HELZ: variants seen among roughly 807,000 people sequenced by gnomAD.
The protein encoded by HELZ is ATP-dependent RNA helicase with zinc finger domain.
In HELZ, 23 loss-of-function variants were observed where a neutral mutation model predicts 218.2. That is an observed-to-expected ratio of 0.11 (90% CI 0.08 to 0.15). The LOEUF (loss-of-function observed/expected upper bound fraction) is 0.15, where lower values mean the gene tolerates loss of function less well. HELZ is among the 10% of genes least tolerant of loss of function. The probability of loss-of-function intolerance (pLI) is 1.00; values close to 1 mark genes in which losing one functional copy is unlikely to be tolerated. For missense variants in HELZ, 1,813 were observed against 2,353.7 expected, an observed-to-expected ratio of 0.77 and a Z score of 4.75; for synonymous variants, 814 against 829.4, an observed-to-expected ratio of 0.98 and a Z score of 0.32.
At chr17:67,127,702 C>A (rs1057104221) in intron 24 of HELZ, among the ~76,000 whole-genome samples, 4 of 151,934 alleles carry the variant, frequency 2.6e-5, no homozygotes, top group African/African-American at 7.3e-5. Flanking sequence ...CAAAAGTTAG[C>A]CAGGCGTGGT....
In HELZ at chr17:67,200,764, G is replaced by T. The variant is rs117447090; in HGVS notation, c.429+365C>A. ...AATAAACAAATAATAAATAAATAAG[G>T]CTTGAGGATATCTCATTTTTAATGA... On this transcript the variant is annotated intron_variant, in intron 7 of 32. Transcript: ENST00000358691. 9.3e-4 allele frequency: 193 copies of T among 207,684 alleles called. 1 individual carries two copies. Among genetic ancestry groups the T allele is most frequent in the Admixed American group, 1.5e-3 (28 of 19,248 alleles). The allele number at this position is 207,684 out of a possible 1,614,324, so 12.9% of individuals were successfully genotyped here. A position where few individuals can be genotyped will look rare whatever the true frequency, so the allele number is the denominator to read the frequency against.
At chr17:67,230,285 A>C (rs2041001318) in intron 3 of HELZ, among the ~76,000 whole-genome samples, 1 of 152,164 alleles carries the variant, frequency 6.6e-6, no homozygotes, top group Admixed American at 6.6e-5. Context: ...GATATGAAGA[A>C]ACAAAAAACC....
At chr17:67,167,403 A>G (rs1291762482) in intron 14 of HELZ, 60 bp downstream of exon 14, 5 of 1,233,852 alleles carry the variant, frequency 4.1e-6, no homozygotes, top group African/African-American at 1.5e-5. Context: ...CCAGAGGAAG[A>G]CTACGAGCTG....
At chr17:67,114,602 A>T (rs1406624667) in intron 27 of HELZ, among the ~76,000 whole-genome samples, 199 bp from the exon 28 acceptor site, 2 of 152,230 alleles carry the variant, frequency 1.3e-5, no homozygotes, top group Admixed American at 1.3e-4. Flanking sequence ...CAAATGAAGC[A>T]AACTTCATTG....
At chr17:67,224,588 GTTAT>G (rs1287767454) in intron 3 of HELZ, 21 of 468,678 alleles carry the variant, frequency 4.5e-5, no homozygotes, top group African/African-American at 8.1e-5. Flanking sequence ...CAATGATCAT[GTTAT>G]TTATTACTAA....
At chr17:67,149,596 G>A (rs908222690) in intron 19 of HELZ, among the ~76,000 whole-genome samples, 2 of 151,848 alleles carry the variant, frequency 1.3e-5, no homozygotes, top group African/African-American at 4.8e-5. Context: ...AAAAAAGTAA[G>A]AATCAGATAT....
chr17:67,121,113 T>C (rs2143827827), intron 26 of HELZ, among the ~76,000 whole-genome samples: 1 of 152,356 alleles, frequency 6.6e-6, no homozygotes, highest in Non-Finnish European at 1.5e-5. Flanking sequence ...TTAATGTTCA[T>C]TTATTATAGG....
rs776542448 is a variant in HELZ, at chr17:67,153,867, A to G, written c.2178-2643T>C. On this transcript the variant is annotated intron_variant, in intron 17 of 32. Coordinates refer to ENST00000358691, the MANE Select transcript of HELZ (RefSeq NM_014877.4). The stretch of plus-strand genomic sequence containing the variant: ...CATATTGTGCAAAGTATTTTATTTA[A>G]TAAGTCATCATATGGAACAAAAGGA... Among the ~76,000 whole-genome samples, 242 of 152,376 alleles carry G rather than the reference A, an allele frequency of 1.6e-3. 2 individuals carry two copies. Among genetic ancestry groups the G allele is most frequent in the Non-Finnish European group, 1.9e-3 (132 of 68,038 alleles).
intron 31 of HELZ, among the ~76,000 whole-genome samples, chr17:67,099,923 T>C (rs1471708966): frequency 1.3e-5 from 2 of 152,210 alleles, no homozygotes; most frequent in African/African-American, 2.4e-5. Flanking sequence ...AATTTAAGCA[T>C]GAATAGAGGT....
chr17:67,078,615 T>A, intron 32 of HELZ, 29 bp from the exon 33 acceptor site: 1 of 1,421,188 alleles, frequency 7.0e-7, no homozygotes, highest in Non-Finnish European at 9.3e-7. Context: ...GACACAGATT[T>A]AAGGATGAGC....
rs142032849 is a variant in HELZ at position 67,212,232 on chromosome 17, T to C, written c.247+3667A>G. Among the ~76,000 whole-genome samples, 58 of 139,456 alleles carry C rather than the reference T, an allele frequency of 4.2e-4. 3 individuals carry two copies. In the East Asian group the frequency reaches 0.013, roughly 31 times the overall value. 91.5% of individuals were successfully genotyped at this position (139,456 alleles called of 152,430 possible). On this transcript the variant is annotated intron_variant, in intron 5 of 32. Coordinates refer to ENST00000358691, the MANE Select transcript of HELZ (RefSeq NM_014877.4). Reference sequence around the variant, plus strand: ...GCTACTGGGGAGGCAGGAGAATTGCTTGAACCCAGGAGGCACAGGTTGCAG... The same window carrying C: ...GCTACTGGGGAGGCAGGAGAATTGCCTGAACCCAGGAGGCACAGGTTGCAG...
intron 20 of HELZ, among the ~76,000 whole-genome samples, chr17:67,146,973 T>C (rs2038517182): frequency 6.6e-6 from 1 of 152,180 alleles, no homozygotes; most frequent in African/African-American, 2.4e-5. Flanking sequence ...TGTTGAGATA[T>C]ATACCTTTAT....
intron 13 of HELZ, among the ~76,000 whole-genome samples, chr17:67,170,380 T>C (rs1283858494): frequency 2.0e-5 from 3 of 152,210 alleles, no homozygotes; most frequent in Non-Finnish European, 4.4e-5. Context: ...CTGGGCGTGG[T>C]GGCACATGCC....
rs2039858303 is a variant in HELZ, at chr17:67,190,260, C to T, written c.653G>A (p.Arg218Gln). Residue 218 changes from arginine (R) to glutamine (Q), a missense_variant, in exon 10 of 33, where the codon CGG (arginine) becomes CAG (glutamine). This residue lies in a region of HELZ where 714 missense variants were observed against 1,029.2 expected (regional missense o/e 0.69). Transcript: ENST00000358691. ...LAEWQKRYAS[R>Q]LIKLKQQNEN... ...ATTTTGCTGTTTCAATTTTATCAGCCGTGAAGCATATCTTTTCTGCCATTC... is the reference window on the plus strand; with the variant it reads ...ATTTTGCTGTTTCAATTTTATCAGCTGTGAAGCATATCTTTTCTGCCATTC... 3.1e-6 allele frequency: 5 copies of T among 1,613,734 alleles called. No individual in the cohort carries two copies. Among genetic ancestry groups the T allele is most frequent in the Non-Finnish European group, 4.2e-6 (5 of 1,179,816 alleles).
At chr17:67,087,335 AAT>A (rs2036424563) in intron 31 of HELZ, among the ~76,000 whole-genome samples, 1 of 152,218 alleles carries the variant, frequency 6.6e-6, no homozygotes, top group South Asian at 2.1e-4. Flanking sequence ...TAGTCCTGAC[AAT>A]ATATGTCTGA....
At chr17:67,088,186 T>A (rs2143596557) in intron 31 of HELZ, among the ~76,000 whole-genome samples, 1 of 152,392 alleles carries the variant, frequency 6.6e-6, no homozygotes, top group Non-Finnish European at 1.5e-5. Flanking sequence ...ACGTTCCGTC[T>A]CAAATGACAG....
intron 21 of HELZ, among the ~76,000 whole-genome samples, chr17:67,139,843 T>C (rs117541129): frequency 5.3e-4 from 81 of 152,260 alleles, no homozygotes; most frequent in Non-Finnish European, 6.5e-4. Flanking sequence ...CTGGTAAACA[T>C]TGGCAGATTT....
intron 27 of HELZ, among the ~76,000 whole-genome samples, chr17:67,118,575 A>C (rs1023895940): frequency 2.6e-5 from 4 of 151,796 alleles, no homozygotes; most frequent in Non-Finnish European, 5.9e-5. Flanking sequence ...TGAAAGCTAG[A>C]CACAGTGGCG....
At chr17:67,120,375 T>C (rs12709454) in intron 27 of HELZ, 30 bp downstream of exon 27, 1,150,045 of 1,565,868 alleles carry the variant, frequency 0.73, 427,587 homozygotes, top group East Asian at 0.97. Flanking sequence ...CATCAGTTTA[T>C]GAACAGGAGA....
Sources: gnomAD v4.1 joint callset for allele counts (sites outside exome capture counted in the v4.1 genomes callset) on GRCh38, gnomAD v4.1.1 for gene constraint, gnomAD v4.1.1 regional missense constraint, MANE v1.5 for transcripts, NCBI Gene and HGNC (gene_info 2026-07-23, HGNC 2026-07-21) for gene names.